Variants in MSI1 observed in about 807,000 individuals in gnomAD.
MSI1 encodes RNA-binding protein Musashi homolog 1.
MSI1 carries 15 observed loss-of-function variants against 54.4 expected under a neutral mutation model. That is an observed-to-expected ratio of 0.28 (90% CI 0.18 to 0.42). MSI1 has a LOEUF of 0.42. Ranked by LOEUF, MSI1 falls within the 20% of genes least tolerant of loss-of-function variation. The pLI, the probability that MSI1 is intolerant of heterozygous loss-of-function variation, is 1.00. For synonymous variants in MSI1, 200 were observed against 196.5 expected (o/e 1.02, Z -0.15); for missense variants, 304 against 506.0 (o/e 0.60, Z 3.83).
At chr12:120,362,608 C>T (rs572563400) in intron 6 of MSI1, among the ~76,000 whole-genome samples, 11 of 152,234 alleles carry the variant, frequency 7.2e-5, no homozygotes, top group African/African-American at 2.6e-4. Flanking sequence ...AAATAGGGTG[C>T]CGAGTGCAAT....
At chr12:120,350,604 G>A (rs1318888535) in intron 11 of MSI1, among the ~76,000 whole-genome samples, 1 of 152,160 alleles carries the variant, frequency 6.6e-6, no homozygotes, top group African/African-American at 2.4e-5. Context: ...GTGGGGTGGG[G>A]GAGAAGCAGC....
intron 11 of MSI1, 66 bp from the exon 12 acceptor site, chr12:120,347,580 T>C (rs1251935259): frequency 6.3e-7 from 1 of 1,592,710 alleles, no homozygotes; most frequent in Non-Finnish European, 8.6e-7. Flanking sequence ...AGGAGGCCCC[T>C]ACCTTTTAGG....
At chr12:120,356,163 C>T (rs1375841884) in intron 9 of MSI1, among the ~76,000 whole-genome samples, 1 of 152,198 alleles carries the variant, frequency 6.6e-6, no homozygotes, top group Admixed American at 6.5e-5. Flanking sequence ...AGTGGCAGTG[C>T]CCATTTACTC....
At chr12:120,344,163 C>T (rs1445208254) in intron 14 of MSI1, among the ~76,000 whole-genome samples, 1 of 152,102 alleles carries the variant, frequency 6.6e-6, no homozygotes, top group African/African-American at 2.4e-5. Flanking sequence ...GCCAAGGTAT[C>T]CTGTTTTGAT....
chr12:120,347,664 TGGGCCACACC>T, intron 11 of MSI1, 150 bp from the exon 12 acceptor site: 1 of 862,674 alleles, frequency 1.2e-6, no homozygotes, highest in Non-Finnish European at 1.8e-6. Context: ...AAGGCTACCT[TGGGCCACACC>T]ATCTGTGTCC....
chr12:120,367,733 A>G (rs1876102413), intron 4 of MSI1, among the ~76,000 whole-genome samples: 3 of 152,032 alleles, frequency 2.0e-5, no homozygotes, highest in African/African-American at 7.2e-5. Context: ...AGGCATCATG[A>G]TTAGTACTTC....
rs1456387424 is a variant in MSI1 at position 120,341,454 on chromosome 12, A to G, written c.*1673T>C. 2 of 152,136 alleles carry G rather than the reference A, an allele frequency of 1.3e-5. No homozygotes were observed. The highest frequency in any genetic ancestry group is 2.9e-5 in the Non-Finnish European group (2 of 67,958). 9.4% of individuals were successfully genotyped at this position (152,136 alleles called of 1,614,324 possible). ...TGCTGGCTTCGAAACACCATGTAAC[A>G]TCTTAAAAAAAAAAAAAATCCCAAA... On this transcript the variant is annotated 3_prime_UTR_variant, in exon 15 of 15. Coordinates refer to ENST00000257552, the MANE Select transcript of MSI1 (RefSeq NM_002442.4).
chr12:120,348,555 C>CT (rs34646438), intron 11 of MSI1, among the ~76,000 whole-genome samples: 103,248 of 148,290 alleles, frequency 0.7, 35,962 homozygotes, highest in South Asian at 0.79. Context: ...CCAAAAATAT[C>CT]TTTTTTTTTT....
chr12:120,357,118 G>A, intron 8 of MSI1, 99 bp from the exon 9 acceptor site: 1 of 1,095,892 alleles, frequency 9.1e-7, no homozygotes, highest in South Asian at 1.3e-5. Flanking sequence ...TAATTTCACT[G>A]TCCAGCTGAA....
At position 120,368,023 on chromosome 12, in the gene MSI1, C is replaced by T. The variant is rs781473082; in HGVS notation, c.252G>A (p.Glu84=). ...GGCCACTCACTGTTTTGGAGTCGAGCTCGTGCCGCGATTGCGCCAGCACTT... is the reference window on the plus strand; with the variant it reads ...GGCCACTCACTGTTTTGGAGTCGAGTTCGTGCCGCGATTGCGCCAGCACTT... ...VDKVLAQSRH[E]LDSKTIDPKV... is the part of the protein sequence containing the mutation. Residue 84 remains glutamate (E), a synonymous_variant, in exon 4 of 15, where the codon GAG becomes GAA. Coordinates refer to ENST00000257552, the MANE Select transcript of MSI1 (RefSeq NM_002442.4). The surrounding 1 kb of genome is among the most constrained non-coding windows in gnomAD (Gnocchi z 6.6). The T allele has an allele frequency of 1.5e-5, 24 of 1,612,500 alleles. 1 individual carries two copies. In the South Asian group the frequency reaches 2.6e-4, roughly 18 times the overall value.
intron 14 of MSI1, 61 bp downstream of exon 14, chr12:120,345,509 G>A (rs971371611): frequency 1.8e-5 from 27 of 1,486,488 alleles, no homozygotes; most frequent in South Asian, 9.1e-5. Flanking sequence ...TCCCAGATTC[G>A]ATGGCCCAGG....
At chr12:120,347,060 C>T (rs775430324) in intron 12 of MSI1, among the ~76,000 whole-genome samples, 1 of 152,200 alleles carries the variant, frequency 6.6e-6, no homozygotes, top group Non-Finnish European at 1.5e-5. Context: ...AGCGATTCTC[C>T]TGCCTTGGCC....
Position 120,368,773 on chromosome 12 carries a change from G to T in MSI1, c.100+60C>A. 1 of 1,343,456 alleles carries T rather than the reference G, an allele frequency of 7.4e-7. No homozygotes were observed. Among genetic ancestry groups the T allele is most frequent in the South Asian group, 1.7e-5 (1 of 60,380 alleles). The allele number at this position is 1,343,456 out of a possible 1,614,324, so 83.2% of individuals were successfully genotyped here. ...GGGCCGGGCTGGGGTGTCCGGGTCC[G>T]GGGCGCCGGGGGGTCCGGGGTGCCC... On this transcript the variant is annotated intron_variant, in intron 2 of 14. Transcript: ENST00000257552. The surrounding 1 kb of genome is among the most constrained non-coding windows in gnomAD (Gnocchi z 6.6).
chr12:120,351,254 G>T, intron 11 of MSI1, 90 bp downstream of exon 11: 1 of 1,239,692 alleles, frequency 8.1e-7, no homozygotes, highest in South Asian at 1.3e-5. Flanking sequence ...AGGAGAAAAG[G>T]ATCCCGCTAG....
rs116938162 is a variant in MSI1, at chr12:120,360,974, T to C, written c.403-1921A>G. ...CTGGCTATGAGAGGATTTAGTGAGATAGTGCATGTAACACTCTTAACTCAC... is the reference window on the plus strand; with the variant it reads ...CTGGCTATGAGAGGATTTAGTGAGACAGTGCATGTAACACTCTTAACTCAC... On this transcript the variant is annotated intron_variant, in intron 6 of 14. Coordinates refer to ENST00000257552, the MANE Select transcript of MSI1 (RefSeq NM_002442.4). 2.1e-3 allele frequency among the ~76,000 whole-genome samples: 322 copies of C among 152,256 alleles called. 2 individuals are homozygous for C. The highest frequency in any genetic ancestry group is 3.3e-3 in the Non-Finnish European group (224 of 68,024).
At chr12:120,367,273 G>A (rs1273328641) in intron 4 of MSI1, among the ~76,000 whole-genome samples, 1 of 152,146 alleles carries the variant, frequency 6.6e-6, no homozygotes, top group Non-Finnish European at 1.5e-5. Context: ...CATCACATGG[G>A]AGTAACCCCC....
At chr12:120,348,000 G>A (rs1022317856) in intron 11 of MSI1, among the ~76,000 whole-genome samples, 4 of 152,112 alleles carry the variant, frequency 2.6e-5, no homozygotes, top group East Asian at 1.9e-4. Context: ...CAGGTAGAGC[G>A]CTCTAGGGGT....
At chr12:120,367,841 C>A (rs1565895553) in intron 4 of MSI1, among the ~76,000 whole-genome samples, 167 bp downstream of exon 4, 1 of 152,092 alleles carries the variant, frequency 6.6e-6, no homozygotes, top group Non-Finnish European at 1.5e-5. Flanking sequence ...CTCCCTCTCC[C>A]CCCCAACTCT....
chr12:120,344,006 A>G (rs1042321169), intron 14 of MSI1, among the ~76,000 whole-genome samples: 3 of 152,082 alleles, frequency 2.0e-5, no homozygotes, highest in African/African-American at 7.2e-5. Context: ...ACAAGTGCGC[A>G]CCATCACGCC....
Sources: gnomAD v4.1 joint callset for allele counts (sites outside exome capture counted in the v4.1 genomes callset) on GRCh38, gnomAD v4.1.1 for gene constraint, Gnocchi (gnomAD v3.1) non-coding constraint, MANE v1.5 for transcripts, NCBI Gene and HGNC (gene_info 2026-07-23, HGNC 2026-07-21) for gene names.